PLCH1: variants seen among roughly 807,000 people sequenced by gnomAD.
PLCH1 encodes 1-phosphatidylinositol 4,5-bisphosphate phosphodiesterase eta-1.
A neutral mutation model predicts 126.7 loss-of-function variants in PLCH1; 60 were observed. That is an observed-to-expected ratio of 0.47 (90% confidence interval 0.38 to 0.59). PLCH1 has a LOEUF of 0.59. Among genes scored for constraint, PLCH1 ranks in the 20% least tolerant of loss-of-function variants. The pLI is 0.00. For missense variants in PLCH1, 1,723 were observed against 2,040.0 expected (o/e 0.84, Z 2.99); for synonymous variants, 719 against 734.9 (o/e 0.98, Z 0.35).
At chr3:155,548,443 T>G (rs1270054150) in intron 10 of PLCH1, among the ~76,000 whole-genome samples, 1 of 152,170 alleles carries the variant, frequency 6.6e-6, no homozygotes, top group Non-Finnish European at 1.5e-5. Context: ...CCTGATGCCA[T>G]AAGCCCTGGG....
chr3:155,568,744 A>G (rs957627321), intron 6 of PLCH1, among the ~76,000 whole-genome samples: 1 of 108,352 alleles, frequency 9.2e-6, no homozygotes, highest in Admixed American at 9.0e-5. Context: ...GTTTCTAAGT[A>G]AATGTACCTC....
intron 6 of PLCH1, among the ~76,000 whole-genome samples, chr3:155,582,806 AC>A (rs1560199748): frequency 6.6e-6 from 1 of 152,216 alleles, no homozygotes; most frequent in Non-Finnish European, 1.5e-5. Flanking sequence ...TTAGTGAGAA[AC>A]AGACTTTGAG....
At chr3:155,730,819 T>C (rs916667735) in intron 1 of PLCH1, among the ~76,000 whole-genome samples, 10 of 152,178 alleles carry the variant, frequency 6.6e-5, no homozygotes, top group Non-Finnish European at 1.5e-4. Context: ...AGGTCACCCA[T>C]GCTTTAACCA....
chr3:155,522,595 A>C (rs1560106266), intron 11 of PLCH1, among the ~76,000 whole-genome samples: 2 of 152,176 alleles, frequency 1.3e-5, no homozygotes, highest in Admixed American at 1.3e-4. Context: ...GCTCATTTTC[A>C]CAACTACAGG....
At chr3:155,469,640 A>C (rs1004175475) in intron 21 of PLCH1, among the ~76,000 whole-genome samples, 16 of 152,256 alleles carry the variant, frequency 1.1e-4, no homozygotes, top group East Asian at 3.9e-4. Flanking sequence ...GACAAACAAA[A>C]AGACAGCAGT....
intron 6 of PLCH1, among the ~76,000 whole-genome samples, chr3:155,579,431 C>T (rs1730379867): frequency 6.6e-6 from 1 of 152,182 alleles, no homozygotes. Flanking sequence ...ACTATCAAAA[C>T]CATTTTATAA....
At chr3:155,637,613 TATC>T (rs1441151622) in intron 2 of PLCH1, among the ~76,000 whole-genome samples, 2 of 152,218 alleles carry the variant, frequency 1.3e-5, no homozygotes, top group African/African-American at 4.8e-5. Context: ...AGTAGTCCCT[TATC>T]ATTTTTATTT....
chr3:155,675,622 C>A (rs1164383185), intron 2 of PLCH1, among the ~76,000 whole-genome samples: 2 of 152,118 alleles, frequency 1.3e-5, no homozygotes, highest in Non-Finnish European at 2.9e-5. Flanking sequence ...TCAAACTGAA[C>A]AAGACTTGAC....
At chr3:155,580,061 C>T (rs1730462485) in intron 6 of PLCH1, among the ~76,000 whole-genome samples, 1 of 152,150 alleles carries the variant, frequency 6.6e-6, no homozygotes, top group Non-Finnish European at 1.5e-5. Flanking sequence ...ACATTCATCC[C>T]TGCTATCAAA....
intron 2 of PLCH1, among the ~76,000 whole-genome samples, chr3:155,605,783 T>C (rs1279912124): frequency 6.6e-6 from 1 of 152,216 alleles, no homozygotes; most frequent in Non-Finnish European, 1.5e-5. Context: ...TGATTTTTTT[T>C]CTCTCCATGA....
intron 2 of PLCH1, among the ~76,000 whole-genome samples, chr3:155,598,444 C>A (rs1310718498): frequency 6.6e-6 from 1 of 152,202 alleles, no homozygotes; most frequent in East Asian, 1.9e-4. Flanking sequence ...ATTAGAACTT[C>A]ACTGACCACT....
At chr3:155,579,315 T>C (rs1730370050) in intron 6 of PLCH1, among the ~76,000 whole-genome samples, 1 of 152,194 alleles carries the variant, frequency 6.6e-6, no homozygotes, top group Non-Finnish European at 1.5e-5. Context: ...CTCACATTGC[T>C]CCTTGGAAAT....
chr3:155,599,842 T>C (rs1238153558), intron 2 of PLCH1, among the ~76,000 whole-genome samples: 1 of 152,218 alleles, frequency 6.6e-6, no homozygotes, highest in Non-Finnish European at 1.5e-5. Context: ...CTTTCCTTTC[T>C]CAGCTCCTTT....
At chr3:155,680,836 T>C (rs1489877955) in intron 2 of PLCH1, among the ~76,000 whole-genome samples, 1 of 152,194 alleles carries the variant, frequency 6.6e-6, no homozygotes, top group Non-Finnish European at 1.5e-5. Context: ...AAAAAGGGAA[T>C]GATTGACTTA....
At chr3:155,603,296 T>A (rs1416158814) in intron 2 of PLCH1, among the ~76,000 whole-genome samples, 2 of 152,232 alleles carry the variant, frequency 1.3e-5, no homozygotes, top group African/African-American at 4.8e-5. Context: ...CAATTTCATT[T>A]CTATGTGGAA....
At chr3:155,649,281 G>T (rs1392146511) in intron 2 of PLCH1, among the ~76,000 whole-genome samples, 5 of 152,114 alleles carry the variant, frequency 3.3e-5, no homozygotes, top group Non-Finnish European at 5.9e-5. Context: ...AGTGAGGCAA[G>T]GAAGCCCTTG....
At position 155,565,102 on chromosome 3, in the gene PLCH1, C is replaced by T; in HGVS notation, c.882G>A (p.Met294Ile). The T allele has an allele frequency of 6.2e-7, 1 of 1,613,412 alleles. No individual in the cohort carries two copies. The highest frequency in any genetic ancestry group is 1.1e-5 in the South Asian group (1 of 91,060). ...TAAATATGTCACAGGCAGGACTACG[C>T]ATGAAGTTCGTGAAGCCTTTGGAAG... ...VLGIEGFTNF[M>I]RSPACDIFNP... The change falls in exon 8 of 23, where the codon ATG becomes ATA. Residue 294 changes from methionine (M) to isoleucine (I), a missense_variant. By Grantham distance (10) the Met-to-Ile change is conservative. This residue lies in a region of PLCH1 where 776 missense variants were observed against 1,062.9 expected (regional missense o/e 0.73). Coordinates refer to ENST00000460012, the MANE Select transcript of PLCH1 (RefSeq NM_014996.4).
chr3:155,470,748 C>G (rs923148970), intron 21 of PLCH1, among the ~76,000 whole-genome samples: 20 of 151,922 alleles, frequency 1.3e-4, no homozygotes, highest in African/African-American at 3.6e-4. Context: ...CCCTACAAGC[C>G]AGAAGAGAGT....
intron 21 of PLCH1, among the ~76,000 whole-genome samples, chr3:155,466,056 G>A (rs1712918722): frequency 6.6e-6 from 1 of 152,210 alleles, no homozygotes; most frequent in Non-Finnish European, 1.5e-5. Context: ...GGGTCTATGA[G>A]ATTTCACCGC....
Sources: gnomAD v4.1 joint callset for allele counts (sites outside exome capture counted in the v4.1 genomes callset) on GRCh38, gnomAD v4.1.1 for gene constraint, gnomAD v4.1.1 regional missense constraint, MANE v1.5 for transcripts, NCBI Gene and HGNC (gene_info 2026-07-23, HGNC 2026-07-21) for gene names.